NFATC1: variants seen among roughly 807,000 people sequenced by gnomAD.
The protein encoded by NFATC1 is nuclear factor of activated T-cells, cytoplasmic 1.
NFATC1 carries 22 observed loss-of-function variants against 76.0 expected under a neutral mutation model. The ratio of observed to expected loss-of-function variants is 0.29; its 90% CI spans 0.21 to 0.41. The LOEUF (loss-of-function observed/expected upper bound fraction) is 0.41. NFATC1 is among the 10% of genes least tolerant of loss of function. The pLI is 1.00. For missense variants in NFATC1, 1,357 were observed against 1,337.7 expected, an observed-to-expected ratio of 1.01 and a Z score of -0.23; for synonymous variants, 704 against 613.1, an observed-to-expected ratio of 1.15 and a Z score of -2.19.
At chr18:79,439,883 G>A (rs1041564450) in intron 3 of NFATC1, among the ~76,000 whole-genome samples, 3 of 152,320 alleles carry the variant, frequency 2.0e-5, no homozygotes, top group East Asian at 1.9e-4. Context: ...GGAGACCAAC[G>A]TGGAATGAGG....
At chr18:79,514,564 C>CAAAAAAA (rs61341859) in intron 9 of NFATC1, among the ~76,000 whole-genome samples, 1 of 47,238 alleles carries the variant, frequency 2.1e-5, no homozygotes, top group Non-Finnish European at 3.4e-5. Context: ...GACCCTGCCT[C>CAAAAAAA]AAAAAAAAAA....
chr18:79,526,871 C>T (rs1295545893), intron 9 of NFATC1, among the ~76,000 whole-genome samples: 1 of 152,222 alleles, frequency 6.6e-6, no homozygotes, highest in Non-Finnish European at 1.5e-5. Flanking sequence ...CCGGGCAGTT[C>T]CGTGACGTCA....
chr18:79,510,880 G>A (rs111480631), intron 9 of NFATC1, among the ~76,000 whole-genome samples: 3 of 150,250 alleles, frequency 2.0e-5, no homozygotes, highest in Middle Eastern at 3.2e-3. Context: ...GGCATCTTCC[G>A]CCGGGGCATC....
In NFATC1 at chr18:79,479,654, T is replaced by C. The variant is rs147231671; in HGVS notation, c.2093-6594T>C. On this transcript the variant is annotated intron_variant, in intron 8 of 9. Transcript: ENST00000427363. ...CTCTGTATTGGGAAGGCTGCAGCTC[T>C]CCAGGACATGACTTAGCAGAGAACA... Among the ~76,000 whole-genome samples, 591 of 152,356 alleles carry C rather than the reference T, an allele frequency of 3.9e-3. 10 individuals are homozygous for C. Among genetic ancestry groups the C allele is most frequent in the East Asian group, 0.01 (52 of 5,182 alleles).
In NFATC1 at chr18:79,477,580, A is replaced by G. The variant is rs151306307; in HGVS notation, c.2093-8668A>G. On this transcript the variant is annotated intron_variant, in intron 8 of 9. Transcript: ENST00000427363. ...GGCCGTACTGTTGGTGGAAGAAGGG[A>G]GTCCGGGGCACTGTCTCAGTCTTCG... Among the ~76,000 whole-genome samples the G allele has an allele frequency of 1.0e-2, 1,363 of 136,502 alleles. 20 individuals are homozygous for G. The highest frequency in any genetic ancestry group is 0.034 in the African/African-American group (1,152 of 34,256). 89.6% of individuals were successfully genotyped at this position (136,502 alleles called of 152,430 possible).
intron 9 of NFATC1, among the ~76,000 whole-genome samples, chr18:79,508,828 CGT>C (rs1166460297): frequency 6.6e-6 from 1 of 151,770 alleles, no homozygotes; most frequent in African/African-American, 2.4e-5. Context: ...CATCTCCCTC[CGT>C]GTGTCTCTGT....
In NFATC1 at chr18:79,410,506, G is replaced by A. The variant is rs781085351; in HGVS notation, c.231G>A (p.Pro77=). 37 of 1,611,822 alleles carry A rather than the reference G, an allele frequency of 2.3e-5. 1 individual carries two copies. The highest frequency in any genetic ancestry group is 1.3e-4 in the East Asian group (6 of 44,866). Residue 77 remains proline, a synonymous_variant, in exon 2 of 10, where the codon CCG becomes CCA. Coordinates refer to ENST00000427363, the MANE Select transcript of NFATC1 (RefSeq NM_001278669.2). The surrounding 1 kb of genome is among the most constrained non-coding windows in gnomAD (Gnocchi z 6.7). ...APCHNLQTST[P]GIIPPADHPS... is the part of the protein sequence containing the mutation. ...GCCACAACCTTCAGACCTCCACACC[G>A]GGCATCATCCCGCCGGCGGATCACC...
intron 2 of NFATC1, among the ~76,000 whole-genome samples, chr18:79,418,759 G>A (rs970487757): frequency 2.0e-5 from 3 of 152,208 alleles, no homozygotes; most frequent in East Asian, 1.9e-4. Context: ...TGCCTGCGTT[G>A]TTTAGTTTGT....
intron 6 of NFATC1, among the ~76,000 whole-genome samples, chr18:79,460,630 C>G (rs2088015988): frequency 6.6e-6 from 1 of 152,256 alleles, no homozygotes; most frequent in African/African-American, 2.4e-5. Context: ...TTTTGCATTT[C>G]TGTCTCCTGA....
rs1032407816 is a variant in NFATC1 at position 79,474,565 on chromosome 18, C to T, written c.2092+6983C>T. Among the ~76,000 whole-genome samples the T allele has an allele frequency of 9.9e-5, 14 of 141,458 alleles. No homozygotes were observed. The East Asian group carries it at 1.1e-3, about 11-fold the overall frequency. 92.8% of individuals were successfully genotyped at this position (141,458 alleles called of 152,430 possible). On this transcript the variant is annotated intron_variant, in intron 8 of 9. Coordinates refer to ENST00000427363, the MANE Select transcript of NFATC1 (RefSeq NM_001278669.2). ...ACATTGTGAGGGAAGTGTATTCTCA[C>T]GCTGTCGACATAAACCTGAGGGAAG...
Position 79,527,658 on chromosome 18 carries a change from A to C in NFATC1, c.*81A>C, listed in dbSNP as rs945057971. 2.4e-6 allele frequency: 3 copies of C among 1,257,408 alleles called. No individual in the cohort carries two copies. The highest frequency in any genetic ancestry group is 3.5e-6 in the Non-Finnish European group (3 of 859,902). 77.9% of individuals were successfully genotyped at this position (1,257,408 alleles called of 1,614,324 possible). On this transcript the variant is annotated 3_prime_UTR_variant, in exon 10 of 10. Coordinates refer to ENST00000427363, the MANE Select transcript of NFATC1 (RefSeq NM_001278669.2). ...ACTTTTGAATAAATAAACTGAACTCACACCTGGTACCACTCAGAACCTCCA... is the reference window on the plus strand; with the variant it reads ...ACTTTTGAATAAATAAACTGAACTCCCACCTGGTACCACTCAGAACCTCCA...
chr18:79,431,644 G>A (rs2086592165), intron 2 of NFATC1, among the ~76,000 whole-genome samples: 1 of 152,088 alleles, frequency 6.6e-6, no homozygotes, highest in Non-Finnish European at 1.5e-5. Flanking sequence ...GTTCCCCTTG[G>A]CCTCCCAAAG....
intron 3 of NFATC1, among the ~76,000 whole-genome samples, chr18:79,437,451 G>C (rs368042198): frequency 3.3e-5 from 5 of 152,230 alleles, no homozygotes; most frequent in African/African-American, 7.2e-5. Context: ...CAGCACCTTG[G>C]CCACCAGTTC....
At chr18:79,452,387 G>T (rs1276893834) in intron 6 of NFATC1, among the ~76,000 whole-genome samples, 3 of 152,230 alleles carry the variant, frequency 2.0e-5, no homozygotes, top group African/African-American at 4.8e-5. Flanking sequence ...CCAGCCTGGA[G>T]GCTCCGGGGC....
At chr18:79,423,822 G>C (rs1323521773) in intron 2 of NFATC1, among the ~76,000 whole-genome samples, 1 of 152,210 alleles carries the variant, frequency 6.6e-6, no homozygotes, top group Non-Finnish European at 1.5e-5. Context: ...CATGGGCACA[G>C]AGCTTGGGTC....
intron 9 of NFATC1, among the ~76,000 whole-genome samples, chr18:79,491,414 C>T (rs1052805839): frequency 6.6e-6 from 1 of 152,160 alleles, no homozygotes; most frequent in African/African-American, 2.4e-5. Context: ...GTCGCTGTGT[C>T]TTTGATAGTT....
chr18:79,410,296 G>A lies in NFATC1; in HGVS notation c.128-107G>A, dbSNP rs1192392621. 5 of 1,505,688 alleles carry A rather than the reference G, an allele frequency of 3.3e-6. No individual in the cohort carries two copies. The highest frequency in any genetic ancestry group is 3.5e-6 in the Non-Finnish European group (4 of 1,128,888). The allele number at this position is 1,505,688 out of a possible 1,614,324, so 93.3% of individuals were successfully genotyped here. On this transcript the variant is annotated intron_variant, in intron 1 of 9. Transcript: ENST00000427363. This position sits in a 1 kb window ranked among gnomAD's most constrained non-coding sequence, Gnocchi z 6.7. Reference sequence around the variant, plus strand: ...GACGTTTGCTGAGGCCCGCTCCTTGGGGTCCGTTGGTCGAGGCCGGGGGTT... The same window carrying A: ...GACGTTTGCTGAGGCCCGCTCCTTGAGGTCCGTTGGTCGAGGCCGGGGGTT...
chr18:79,516,115 A>G (rs2090376683), intron 9 of NFATC1: 1 of 152,138 alleles, frequency 6.6e-6, no homozygotes, highest in Non-Finnish European at 1.5e-5. Flanking sequence ...ATTCAGGCTA[A>G]ATAAGGAAGC....
chr18:79,451,464 G>C (rs1184633168), intron 5 of NFATC1, among the ~76,000 whole-genome samples: 1 of 152,264 alleles, frequency 6.6e-6, no homozygotes, highest in Non-Finnish European at 1.5e-5. Context: ...AAGATATTTT[G>C]ATGACTTCTT....
Sources: allele counts gnomAD v4.1 joint callset (sites outside exome capture counted in the v4.1 genomes callset), GRCh38; gene constraint gnomAD v4.1.1; non-coding constraint Gnocchi (gnomAD v3.1); transcripts MANE v1.5; gene names NCBI Gene and HGNC (gene_info 2026-07-23, HGNC 2026-07-21).